CAMSAP3: variants seen among roughly 807,000 people sequenced by gnomAD.
CAMSAP3 encodes the protein calmodulin-regulated spectrin-associated protein 3.
CAMSAP3 carries 34 observed loss-of-function variants against 112.5 expected under a neutral mutation model. That is an observed-to-expected ratio of 0.30 (90% confidence interval 0.23 to 0.40). CAMSAP3 has a LOEUF of 0.40. CAMSAP3 is among the 10% of genes least tolerant of loss of function. CAMSAP3 has a pLI of 1.00. For missense variants in CAMSAP3, 1,602 were observed against 1,770.3 expected, an observed-to-expected ratio of 0.90 and a Z score of 1.71; for synonymous variants, 868 against 799.8, an observed-to-expected ratio of 1.09 and a Z score of -1.44.
intron 11 of CAMSAP3, among the ~76,000 whole-genome samples, chr19:7,614,259 CAAAAAA>C (rs1173068955): frequency 2.1e-4 from 4 of 18,770 alleles, no homozygotes; most frequent in Admixed American, 1.4e-3. Flanking sequence ...GACTCCATCT[CAAAAAA>C]AAAAAAAAAA....
rs2030922470 is a variant in CAMSAP3, at chr19:7,618,302, G to T, written c.*245G>T. 1.9e-6 allele frequency: 1 copy of T among 528,810 alleles called. No homozygotes were observed. The highest frequency in any genetic ancestry group is 3.4e-5 in the Admixed American group (1 of 29,122). The allele number at this position is 528,810 out of a possible 1,614,324, so 32.8% of individuals were successfully genotyped here. ...CTTCTTGAATAAAATAATTTAAAGA[G>T]AAGTTGAACCTTGTCCCCCCCTCCG... On this transcript the variant is annotated 3_prime_UTR_variant, in exon 17 of 17. Coordinates refer to ENST00000160298, the MANE Select transcript of CAMSAP3 (RefSeq NM_020902.2).
chr19:7,611,792 C>T lies in CAMSAP3; in HGVS notation c.1299C>T (p.Asp433=). ...TGCTCCTCCGCTCTGTGAGCTCGGA[C>T]AGCCTGGGCCCCCCGCGTCCCGCGC... is the stretch of plus-strand genomic sequence containing the variant. ...DPVLLRSVSS[D]SLGPPRPAPA... Residue 433 remains aspartate, a synonymous_variant, in exon 11 of 17, where the codon GAC becomes GAT. Transcript: ENST00000160298. This position sits in a 1 kb window ranked among gnomAD's most constrained non-coding sequence, Gnocchi z 6.9. The T allele has an allele frequency of 6.3e-7, 1 of 1,597,134 alleles. No homozygotes were observed. Among genetic ancestry groups the T allele is most frequent in the Non-Finnish European group, 8.5e-7 (1 of 1,172,406 alleles).
At position 7,612,017 on chromosome 19, in the gene CAMSAP3, A is replaced by G; in HGVS notation, c.1524A>G (p.Pro508=). 6.2e-7 allele frequency: 1 copy of G among 1,612,594 alleles called. No individual in the cohort carries two copies. The highest frequency in any genetic ancestry group is 8.5e-7 in the Non-Finnish European group (1 of 1,179,788). ...ACCTGCCCGAGGGGACCTCCAAACCACTGTCCGACAGGCCCACCAAAGCAC... is the reference window on the plus strand; with the variant it reads ...ACCTGCCCGAGGGGACCTCCAAACCGCTGTCCGACAGGCCCACCAAAGCAC... ...SPYLPEGTSK[P]LSDRPTKAPV... Residue 508 remains proline, a synonymous_variant, in exon 11 of 17, where the codon CCA becomes CCG. Transcript: ENST00000160298.
rs776267750 is a variant in CAMSAP3, at chr19:7,608,278, T to C, written c.760+14T>C. ...TTCGACTTGAGGGTGAGTAAATGGA[T>C]GTGGAACAGATCTTGTGCCGGGGAG... On this transcript the variant is annotated intron_variant, in intron 5 of 16. Coordinates refer to ENST00000160298, the MANE Select transcript of CAMSAP3 (RefSeq NM_020902.2). 1 of 1,606,528 alleles carries C rather than the reference T, an allele frequency of 6.2e-7. No homozygotes were observed. The highest frequency in any genetic ancestry group is 1.1e-5 in the South Asian group (1 of 90,854).
In CAMSAP3 at chr19:7,612,663, C is replaced by T. The variant is rs1424885615; in HGVS notation, c.2170C>T (p.Gln724Ter). Residue 724 changes from glutamine (Q) to a stop codon, truncating the protein, a stop_gained, in exon 11 of 17, where the codon CAG becomes TAG. Coordinates refer to ENST00000160298, the MANE Select transcript of CAMSAP3 (RefSeq NM_020902.2). LOFTEE classifies it high-confidence loss of function. ...QRDMQRLTDQ[Q>*]QRLLAPPEAP... The stretch of plus-strand genomic sequence containing the variant: ...GGACATGCAGAGGCTCACGGACCAG[C>T]AGCAGCGGCTCCTGGCCCCGCCCGA... 2.6e-6 allele frequency: 4 copies of T among 1,513,530 alleles called. No homozygotes were observed. The highest frequency in any genetic ancestry group is 1.4e-5 in the African/African-American group (1 of 72,564). 93.8% of individuals were successfully genotyped at this position (1,513,530 alleles called of 1,614,324 possible).
In CAMSAP3 at chr19:7,610,759, C is replaced by T. The variant is rs1387262553; in HGVS notation, c.960C>T (p.Asp320=). The change falls in exon 7 of 17, where the codon GAC becomes GAT. Residue 320 remains aspartate, a synonymous_variant. Coordinates refer to ENST00000160298, the MANE Select transcript of CAMSAP3 (RefSeq NM_020902.2). The surrounding 1 kb of genome is among the most constrained non-coding windows in gnomAD (Gnocchi z 4.9). The part of the protein sequence containing the change: ...LFMCFEVLKP[D]FVQVKDLPDG... Reference sequence around the variant, plus strand: ...TGTGTTTTGAGGTGCTCAAGCCCGACTTTGTGCAAGTGAAGGACTTGCCCG... The same window carrying T: ...TGTGTTTTGAGGTGCTCAAGCCCGATTTTGTGCAAGTGAAGGACTTGCCCG... The T allele has an allele frequency of 1.9e-6, 3 of 1,613,850 alleles. No homozygotes were observed. Among genetic ancestry groups the T allele is most frequent in the African/African-American group, 2.7e-5 (2 of 74,932 alleles).
rs1342195186 is a variant in CAMSAP3, at chr19:7,615,364, C to T, written c.2810+42C>T. On this transcript the variant is annotated intron_variant, in intron 12 of 16. Transcript: ENST00000160298. The surrounding 1 kb of genome is among the most constrained non-coding windows in gnomAD (Gnocchi z 6.5). ...CCGGGACGCCCGCTCCTTGGCCTGT[C>T]TGCCACCGCGGACCCCGTGAGCGGT... is the stretch of plus-strand genomic sequence containing the variant. The T allele has an allele frequency of 6.5e-7, 1 of 1,532,462 alleles. No homozygotes were observed. Among genetic ancestry groups the T allele is most frequent in the Non-Finnish European group, 8.8e-7 (1 of 1,136,436 alleles). 94.9% of individuals were successfully genotyped at this position (1,532,462 alleles called of 1,614,324 possible).
chr19:7,606,177 C>A, intron 2 of CAMSAP3, 94 bp from the exon 3 acceptor site: 1 of 1,148,646 alleles, frequency 8.7e-7, no homozygotes, highest in Non-Finnish European at 1.2e-6. Flanking sequence ...CAAGTCCCTC[C>A]CATCTGCAGG....
At position 7,605,396 on chromosome 19, in the gene CAMSAP3, C is replaced by A; in HGVS notation, c.319C>A (p.Leu107Met). The A allele has an allele frequency of 6.5e-7, 1 of 1,537,946 alleles. No homozygotes were observed. Among genetic ancestry groups the A allele is most frequent in the South Asian group, 1.2e-5 (1 of 82,594 alleles). ...CCCCAACCCCTCTGCACTGCTGGCC[C>A]TGCTGGCGCGGAGGGGCACAGTGCC... ...TPPNPSALLALLARRGTVPAL... is the reference protein window; with the variant it reads ...TPPNPSALLAMLARRGTVPAL... The change falls in exon 2 of 17, where the codon CTG becomes ATG. Residue 107 changes from leucine to methionine, a missense_variant. By Grantham distance (15) the Leu-to-Met change is conservative. This residue lies in a region of CAMSAP3 where 147 missense variants were observed against 144.6 expected (regional missense o/e 1.02). Transcript: ENST00000160298.
At chr19:7,596,675 G>A (rs1039819146) in intron 1 of CAMSAP3, among the ~76,000 whole-genome samples, 4 of 151,974 alleles carry the variant, frequency 2.6e-5, no homozygotes, top group East Asian at 3.9e-4. Context: ...CACACACCCC[G>A]CGTCGGCCCT....
At chr19:7,606,450 C>T (rs925482282) in intron 3 of CAMSAP3, 26 bp from the exon 4 acceptor site, 22 of 1,608,326 alleles carry the variant, frequency 1.4e-5, no homozygotes, top group Admixed American at 3.3e-5. Context: ...AGTGGCCAGA[C>T]CACTGACCCC....
chr19:7,616,793 C>T (rs929019972), intron 14 of CAMSAP3, among the ~76,000 whole-genome samples, 171 bp downstream of exon 14: 1 of 151,982 alleles, frequency 6.6e-6, no homozygotes, highest in Admixed American at 6.6e-5. Context: ...ATAGTCTGTA[C>T]CTGGCAGACA....
intron 1 of CAMSAP3, among the ~76,000 whole-genome samples, chr19:7,599,014 A>G (rs115202079): frequency 0.012 from 1,895 of 151,944 alleles, 39 homozygotes; most frequent in African/African-American, 0.044. Context: ...AGGTCATGGT[A>G]TAAATAAATG....
chr19:7,606,156 A>ACCTC, intron 2 of CAMSAP3, 115 bp from the exon 3 acceptor site: 1 of 224,848 alleles, frequency 4.4e-6, no homozygotes. Flanking sequence ...CTCAAGCCCC[A>ACCTC]CCCCCCCCGT....
rs1180033729 is a variant in CAMSAP3, at chr19:7,617,055, TCTCGTGCCTCAG to T, written c.3213-269_3213-258del. On this transcript the variant is annotated intron_variant, in intron 14 of 16. Transcript: ENST00000160298. The surrounding 1 kb of genome is among the most constrained non-coding windows in gnomAD (Gnocchi z 7.5). ...CCTCCGCCCCCTGGGTGCAAGTGAT[TCTCGTGCCTCAG>T]CCTCCTGAGTAGCTGGGGTTACCCG... Among the ~76,000 whole-genome samples, 1 of 150,488 alleles carries T rather than the reference TCTCGTGCCTCAG, an allele frequency of 6.6e-6. No homozygotes were observed. Among genetic ancestry groups the T allele is most frequent in the African/African-American group, 2.5e-5 (1 of 40,714 alleles).
In CAMSAP3 at chr19:7,617,672, C is replaced by T. The variant is rs973917060; in HGVS notation, c.3444+11C>T. On this transcript the variant is annotated intron_variant, in intron 16 of 16. Coordinates refer to ENST00000160298, the MANE Select transcript of CAMSAP3 (RefSeq NM_020902.2). The surrounding 1 kb of genome is among the most constrained non-coding windows in gnomAD (Gnocchi z 7.5). ...AATCGCATTCTGGAGGTGAGCCCGC[C>T]CACACGTGGGAGTTGGGGGCTGGTG... is the stretch of plus-strand genomic sequence containing the variant. The T allele has an allele frequency of 5.6e-6, 9 of 1,613,908 alleles. No homozygotes were observed. The highest frequency in any genetic ancestry group is 1.1e-5 in the South Asian group (1 of 91,088).
At position 7,617,509 on chromosome 19, in the gene CAMSAP3, G is replaced by GC. The variant is rs753390738; in HGVS notation, c.3326-28dup. On this transcript the variant is annotated intron_variant, in intron 15 of 16. Coordinates refer to ENST00000160298, the MANE Select transcript of CAMSAP3 (RefSeq NM_020902.2). This position sits in a 1 kb window ranked among gnomAD's most constrained non-coding sequence, Gnocchi z 7.5. Reference sequence around the variant, plus strand: ...TCCACAGCCCCTGCTCATTCCTGCTGCCCCCCACCCCCTCCCACTGCCTCA... The same window carrying GC: ...TCCACAGCCCCTGCTCATTCCTGCTGCCCCCCCACCCCCTCCCACTGCCTCA... 8.1e-6 allele frequency: 13 copies of GC among 1,608,322 alleles called. No homozygotes were observed. Among genetic ancestry groups the GC allele is most frequent in the South Asian group, 2.2e-5 (2 of 90,956 alleles).
Position 7,610,189 on chromosome 19 carries a change from A to G in CAMSAP3, c.761-287A>G, listed in dbSNP as rs1452518461. 6.6e-6 allele frequency among the ~76,000 whole-genome samples: 1 copy of G among 151,508 alleles called. No homozygotes were observed. The highest frequency in any genetic ancestry group is 1.5e-5 in the Non-Finnish European group (1 of 67,870). Reference sequence around the variant, plus strand: ...AAAAATTAGCCTGGTGTTGTGGCACACTCCTGTAATCCCAGCTACTCAGGA... The same window carrying G: ...AAAAATTAGCCTGGTGTTGTGGCACGCTCCTGTAATCCCAGCTACTCAGGA... On this transcript the variant is annotated intron_variant, in intron 5 of 16. Transcript: ENST00000160298. The surrounding 1 kb of genome is among the most constrained non-coding windows in gnomAD (Gnocchi z 4.9).
intron 2 of CAMSAP3, 135 bp from the exon 3 acceptor site, chr19:7,606,136 G>GGCCCCCCCCCCCCCCCCC: frequency 3.9e-6 from 2 of 511,800 alleles, no homozygotes; most frequent in Non-Finnish European, 6.8e-6. Context: ...TGAACCACTG[G>GGCCCCCCCCCCCCCCCCC]CCCCGCCCCC....
Sources: allele counts gnomAD v4.1 joint callset (sites outside exome capture counted in the v4.1 genomes callset), GRCh38; gene constraint gnomAD v4.1.1; regional missense constraint gnomAD v4.1.1; non-coding constraint Gnocchi (gnomAD v3.1); transcripts MANE v1.5; gene names NCBI Gene and HGNC (gene_info 2026-07-23, HGNC 2026-07-21).